RTN3: variants seen among roughly 807,000 people sequenced by gnomAD.
The protein encoded by RTN3 is reticulon 3.
Under a neutral mutation model 77.8 loss-of-function variants are expected in RTN3, and 49 were observed. That is an observed-to-expected ratio of 0.63 (90% CI 0.50 to 0.80). RTN3 has a LOEUF of 0.80. Among genes scored for constraint, RTN3 ranks in the 30% least tolerant of loss-of-function variants. The pLI is 0.00. For missense variants in RTN3, 1,236 were observed against 1,211.9 expected, an observed-to-expected ratio of 1.02 and a Z score of -0.29; for synonymous variants, 464 against 446.9, an observed-to-expected ratio of 1.04 and a Z score of -0.48.
At chr11:63,689,312 A>C (rs1941534220) in intron 1 of RTN3, among the ~76,000 whole-genome samples, 1 of 152,178 alleles carries the variant, frequency 6.6e-6, no homozygotes, top group South Asian at 2.1e-4. Context: ...AACTGACTTA[A>C]CCTTCTATTC....
In RTN3 at chr11:63,720,646, AAG is replaced by A; in HGVS notation, c.2146_2147del (p.Glu716AsnfsTer5). On this transcript the variant is annotated frameshift_variant, in exon 3 of 9. Coordinates refer to ENST00000377819, the MANE Select transcript of RTN3 (RefSeq NM_001265589.2). LOFTEE classifies it high-confidence loss of function. Reference sequence around the variant, plus strand: ...GGAAGCAAATACAGTGAACAAAGCAAAGAAACAAATGGAAGTGAGCCTCTAGG... The same window carrying A: ...GGAAGCAAATACAGTGAACAAAGCAAAAACAAATGGAAGTGAGCCTCTAGG... The A allele has an allele frequency of 3.1e-6, 5 of 1,614,068 alleles. No homozygotes were observed. Among genetic ancestry groups the A allele is most frequent in the Non-Finnish European group, 3.4e-6 (4 of 1,179,996 alleles).
intron 3 of RTN3, among the ~76,000 whole-genome samples, chr11:63,737,925 T>C (rs2134998463): frequency 6.6e-6 from 1 of 152,350 alleles, no homozygotes; most frequent in East Asian, 1.9e-4. Flanking sequence ...CAGTGATCTT[T>C]CTGTGCCTTT....
At chr11:63,734,811 T>C (rs537274326) in intron 3 of RTN3, among the ~76,000 whole-genome samples, 472 of 150,912 alleles carry the variant, frequency 3.1e-3, no homozygotes, top group African/African-American at 0.011. Flanking sequence ...CACTGAATTA[T>C]GGCAATAAAT....
intron 1 of RTN3, among the ~76,000 whole-genome samples, chr11:63,682,837 G>C (rs1199552050): frequency 6.6e-6 from 1 of 151,926 alleles, no homozygotes; most frequent in Non-Finnish European, 1.5e-5. Flanking sequence ...GCCTTCTTAA[G>C]GGGGGAAAAA....
In RTN3 at chr11:63,720,456, G is replaced by C. The variant is rs750460839; in HGVS notation, c.1954G>C (p.Glu652Gln). 1.2e-6 allele frequency: 2 copies of C among 1,613,448 alleles called. No homozygotes were observed. The highest frequency in any genetic ancestry group is 2.2e-5 in the South Asian group (2 of 90,946). Residue 652 changes from glutamate to glutamine, a missense_variant, in exon 3 of 9, where the codon GAG becomes CAG. This residue lies in a region of RTN3 where 1,056 missense variants were observed against 990.4 expected (regional missense o/e 1.07). Transcript: ENST00000377819. ...NVKHIDDSSP[E>Q]DLIAAFTETR... is the part of the protein sequence containing the mutation. The stretch of plus-strand genomic sequence containing the variant: ...TAAACATATAGATGATTCCTCCCCA[G>C]AGGACCTGATAGCAGCCTTTACAGA...
In RTN3 at chr11:63,720,882, G is replaced by C; in HGVS notation, c.2380G>C (p.Glu794Gln). Reference protein sequence around the residue: ...SWPQRSYDILERNVKNGSDLG... With the variant: ...SWPQRSYDILQRNVKNGSDLG... ...GCCACAGAGATCATATGACATCCTA[G>C]AACGTAATGTCAAGAATGGATCTGA... The change falls in exon 3 of 9, where the codon GAA (glutamate) becomes CAA (glutamine). Residue 794 changes from glutamate (E) to glutamine (Q), a missense_variant. Glu to Gln is a conservative substitution (Grantham distance 29). Coordinates refer to ENST00000377819, the MANE Select transcript of RTN3 (RefSeq NM_001265589.2). The C allele has an allele frequency of 6.2e-7, 1 of 1,614,034 alleles. No individual in the cohort carries two copies. Among genetic ancestry groups the C allele is most frequent in the Non-Finnish European group, 8.5e-7 (1 of 1,180,012 alleles).
intron 3 of RTN3, among the ~76,000 whole-genome samples, chr11:63,737,883 CTG>C (rs1403133807): frequency 6.6e-6 from 1 of 152,206 alleles, no homozygotes; most frequent in Non-Finnish European, 1.5e-5. Flanking sequence ...GTATGTGTGT[CTG>C]TCTTTGACAG....
chr11:63,719,026 A>G lies in RTN3; in HGVS notation c.524A>G (p.Gln175Arg), dbSNP rs758189266. 1 of 1,614,108 alleles carries G rather than the reference A, an allele frequency of 6.2e-7. No homozygotes were observed. Residue 175 changes from glutamine to arginine, a missense_variant, in exon 3 of 9, where the codon CAA (glutamine) becomes CGA (arginine). By Grantham distance (43) the Gln-to-Arg change is conservative. Transcript: ENST00000377819. ...HPAFLSKKIG[Q>R]VEEQIDKETK... ...GCTTTTCTCTCAAAGAAAATTGGTCAAGTGGAAGAGCAAATAGATAAAGAG... is the reference window on the plus strand; with the variant it reads ...GCTTTTCTCTCAAAGAAAATTGGTCGAGTGGAAGAGCAAATAGATAAAGAG...
At chr11:63,692,590 C>G (rs1941719783) in intron 1 of RTN3, among the ~76,000 whole-genome samples, 2 of 151,990 alleles carry the variant, frequency 1.3e-5, no homozygotes, top group African/African-American at 4.8e-5. Flanking sequence ...AACCCTGTCT[C>G]TACTAAAAAT....
intron 1 of RTN3, among the ~76,000 whole-genome samples, chr11:63,689,557 TA>T (rs1941547301): frequency 6.6e-6 from 1 of 152,178 alleles, no homozygotes; most frequent in South Asian, 2.1e-4. Context: ...ATTTCCATTT[TA>T]CGTATGGGAG....
At chr11:63,714,137 G>T (rs2011257335) in intron 2 of RTN3, 3 of 458,982 alleles carry the variant, frequency 6.5e-6, no homozygotes, top group South Asian at 3.1e-5. Context: ...TTTTCCCATT[G>T]TCTTGGTACA....
intron 3 of RTN3, among the ~76,000 whole-genome samples, chr11:63,728,698 A>G (rs1263396614): frequency 6.6e-6 from 1 of 152,032 alleles, no homozygotes; most frequent in Non-Finnish European, 1.5e-5. Flanking sequence ...GACCAGCCTG[A>G]CCAACATGGT....
At chr11:63,730,648 C>A (rs1195471182) in intron 3 of RTN3, among the ~76,000 whole-genome samples, 1 of 152,082 alleles carries the variant, frequency 6.6e-6, no homozygotes, top group South Asian at 2.1e-4. Context: ...TGTAGAGACC[C>A]CCATCTCTAC....
At chr11:63,729,053 C>A (rs1382195167) in intron 3 of RTN3, among the ~76,000 whole-genome samples, 1 of 151,522 alleles carries the variant, frequency 6.6e-6, no homozygotes, top group Non-Finnish European at 1.5e-5. Context: ...ACCTGTCAAC[C>A]CAGGTTTCTG....
At chr11:63,692,635 C>T in intron 1 of RTN3, among the ~76,000 whole-genome samples, 1 of 152,056 alleles carries the variant, frequency 6.6e-6, no homozygotes, top group East Asian at 1.9e-4. Context: ...GTGGCATGCG[C>T]CTGTAGTTCC....
chr11:63,750,292 G>T (rs2014032225), intron 4 of RTN3, 94 bp downstream of exon 4: 5 of 1,016,194 alleles, frequency 4.9e-6, no homozygotes, highest in Non-Finnish European at 7.3e-6. Flanking sequence ...TAAAAATCAA[G>T]AATTATGGGG....
chr11:63,755,784 C>T (rs1267557197), intron 7 of RTN3, among the ~76,000 whole-genome samples: 1 of 150,574 alleles, frequency 6.6e-6, no homozygotes, highest in Non-Finnish European at 1.5e-5. Flanking sequence ...ACGGTGAAAC[C>T]CCGTCTCTAC....
intron 3 of RTN3, among the ~76,000 whole-genome samples, chr11:63,725,478 T>C (rs2012186131): frequency 6.6e-6 from 1 of 152,058 alleles, no homozygotes; most frequent in Non-Finnish European, 1.5e-5. Flanking sequence ...TGGAGGAGTT[T>C]CACTCTGTCG....
In RTN3 at chr11:63,750,133, C is replaced by T; in HGVS notation, c.2673C>T (p.Ile891=). The T allele has an allele frequency of 6.2e-7, 1 of 1,612,812 alleles. No homozygotes were observed. Among genetic ancestry groups the T allele is most frequent in the Non-Finnish European group, 8.5e-7 (1 of 1,179,352 alleles). The change falls in exon 4 of 9, where the codon ATC becomes ATT. Residue 891 remains isoleucine (I), a synonymous_variant. Coordinates refer to ENST00000377819, the MANE Select transcript of RTN3 (RefSeq NM_001265589.2). ...YLILALLSVT[I]SFRIYKSVIQ... ...TCCTGGCTCTTCTCTCTGTCACCATCAGCTTCAGGATCTACAAGTCCGTCA... is the reference window on the plus strand; with the variant it reads ...TCCTGGCTCTTCTCTCTGTCACCATTAGCTTCAGGATCTACAAGTCCGTCA...
Sources: gnomAD v4.1 joint callset for allele counts (sites outside exome capture counted in the v4.1 genomes callset) on GRCh38, gnomAD v4.1.1 for gene constraint, gnomAD v4.1.1 regional missense constraint, MANE v1.5 for transcripts, NCBI Gene and HGNC (gene_info 2026-07-23, HGNC 2026-07-21) for gene names.